ASAP1: variants seen among roughly 807,000 people sequenced by gnomAD.
The protein encoded by ASAP1 is arf-GAP with SH3 domain, ANK repeat and PH domain-containing protein 1.
Under a neutral mutation model 145.2 loss-of-function variants are expected in ASAP1, and 43 were observed. The observed-to-expected ratio is 0.30, with a 90% confidence interval of 0.23 to 0.38. The LOEUF is 0.38. Among genes scored for constraint, ASAP1 ranks in the 10% least tolerant of loss-of-function variants. The pLI is 1.00. For missense variants in ASAP1, 1,018 were observed against 1,355.3 expected (o/e 0.75, Z 3.91); for synonymous variants, 546 against 515.5 (o/e 1.06, Z -0.80).
At chr8:130,380,445 G>A (rs1827712805) in intron 2 of ASAP1, among the ~76,000 whole-genome samples, 1 of 152,166 alleles carries the variant, frequency 6.6e-6, no homozygotes, top group South Asian at 2.1e-4. Context: ...AGCAGCCTGA[G>A]GGTTTGCAGG....
At chr8:130,350,413 G>A (rs549877801) in intron 3 of ASAP1, among the ~76,000 whole-genome samples, 1 of 152,234 alleles carries the variant, frequency 6.6e-6, no homozygotes, top group East Asian at 1.9e-4. Context: ...AGATCTGGTG[G>A]GTCCCATCAT....
At chr8:130,355,841 T>C (rs982690248) in intron 3 of ASAP1, among the ~76,000 whole-genome samples, 1 of 152,162 alleles carries the variant, frequency 6.6e-6, no homozygotes, top group Non-Finnish European at 1.5e-5. Flanking sequence ...ACCTCAAGAA[T>C]TAAAATATGC....
At chr8:130,127,535 T>C (rs1265735395) in intron 16 of ASAP1, among the ~76,000 whole-genome samples, 1 of 152,132 alleles carries the variant, frequency 6.6e-6, no homozygotes, top group African/African-American at 2.4e-5. Context: ...TACTGACCCA[T>C]TTTTTAGGAT....
intron 13 of ASAP1, chr8:130,152,485 GATA>G (rs2097648575): frequency 3.3e-6 from 1 of 305,610 alleles, no homozygotes; most frequent in East Asian, 5.2e-5. Context: ...TTTCCCAAAA[GATA>G]ATATTATGAA....
At chr8:130,090,794 C>T (rs142570789) in intron 25 of ASAP1, among the ~76,000 whole-genome samples, 1 of 152,298 alleles carries the variant, frequency 6.6e-6, no homozygotes, top group East Asian at 1.9e-4. Flanking sequence ...CACACACATG[C>T]TTGCACACAC....
chr8:130,144,104 T>G (rs564755356), intron 13 of ASAP1, among the ~76,000 whole-genome samples: 24 of 152,206 alleles, frequency 1.6e-4, no homozygotes, highest in Non-Finnish European at 2.8e-4. Context: ...TTTCATTCAA[T>G]AAATAGTTTT....
chr8:130,118,772 T>G, intron 18 of ASAP1, 97 bp from the exon 19 acceptor site: 3 of 860,628 alleles, frequency 3.5e-6, no homozygotes, highest in Admixed American at 3.5e-5. Flanking sequence ...TTATTTTAAT[T>G]AAGATACGCT....
At chr8:130,131,603 G>GAAAAA (rs1159191172) in intron 15 of ASAP1, among the ~76,000 whole-genome samples, 159 of 62,880 alleles carry the variant, frequency 2.5e-3, no homozygotes, top group Non-Finnish European at 3.0e-3. Flanking sequence ...CATGGCTACT[G>GAAAAA]AAAAAAAAAA....
At chr8:130,342,826 G>A (rs1825470256) in intron 3 of ASAP1, among the ~76,000 whole-genome samples, 1 of 151,982 alleles carries the variant, frequency 6.6e-6, no homozygotes, top group African/African-American at 2.4e-5. Flanking sequence ...CCAAGAACCT[G>A]GTTGCCCCCC....
chr8:130,293,437 CAAACCACTTCCTG>C (rs1193318017), intron 3 of ASAP1, among the ~76,000 whole-genome samples: 1 of 152,238 alleles, frequency 6.6e-6, no homozygotes, highest in African/African-American at 2.4e-5. Flanking sequence ...CATGCCCCAG[CAAACCACTTCCTG>C]AAACCAAACT....
At chr8:130,345,197 G>A (rs1470565399) in intron 3 of ASAP1, among the ~76,000 whole-genome samples, 2 of 152,200 alleles carry the variant, frequency 1.3e-5, no homozygotes, top group African/African-American at 4.8e-5. Flanking sequence ...ATGCTGGAGA[G>A]TAAACTCAGG....
At chr8:130,287,506 G>C (rs958673223) in intron 3 of ASAP1, among the ~76,000 whole-genome samples, 1 of 152,046 alleles carries the variant, frequency 6.6e-6, no homozygotes, top group Non-Finnish European at 1.5e-5. Flanking sequence ...TGATTTTTGG[G>C]GGGAGGCCTA....
rs200323716 is a variant in ASAP1, at chr8:130,112,218, T to G, written c.2277A>C (p.Pro759=). ...CATAGGAGAGCCGCTGTTTGTCCCT[T>G]GGAGTGCTGAATCCTGGCAGTGCCA... is the stretch of plus-strand genomic sequence containing the variant. ...DKLALPGFST[P]RDKQRLSYGA... is the part of the protein sequence containing the mutation. Residue 759 remains proline, a synonymous_variant, in exon 24 of 30, where the codon CCA becomes CCC. Coordinates refer to ENST00000518721, the MANE Select transcript of ASAP1 (RefSeq NM_018482.4). 1.9e-6 allele frequency: 3 copies of G among 1,614,150 alleles called. No individual in the cohort carries two copies. In the East Asian group the frequency reaches 6.7e-5, roughly 36 times the overall value.
intron 27 of ASAP1, among the ~76,000 whole-genome samples, chr8:130,072,825 G>GCGTGTGCGCGTGCGCGCGCA (rs1554816396): frequency 1.8e-5 from 1 of 54,098 alleles, no homozygotes; most frequent in Non-Finnish European, 3.6e-5. Flanking sequence ...GTGTGTGTGT[G>GCGTGTGCGCGTGCGCGCGCA]CGCGCGGGGG....
intron 3 of ASAP1, among the ~76,000 whole-genome samples, chr8:130,348,882 C>T (rs1565233019): frequency 6.6e-6 from 1 of 152,268 alleles, no homozygotes; most frequent in East Asian, 1.9e-4. Flanking sequence ...ATAATAAATA[C>T]CTGCATTTAT....
intron 24 of ASAP1, among the ~76,000 whole-genome samples, chr8:130,107,557 T>G (rs184043036): frequency 1.2e-3 from 180 of 148,136 alleles, no homozygotes; most frequent in African/African-American, 4.4e-3. Flanking sequence ...TATGTATGTA[T>G]GTATTTTTGA....
chr8:130,239,748 C>T (rs1282423040), intron 3 of ASAP1, among the ~76,000 whole-genome samples: 6 of 152,094 alleles, frequency 3.9e-5, no homozygotes, highest in Non-Finnish European at 8.8e-5. Context: ...TTTTAAAATG[C>T]TAAAAATAGT....
At chr8:130,163,921 G>C (rs1404466010) in intron 11 of ASAP1, among the ~76,000 whole-genome samples, 2 of 152,110 alleles carry the variant, frequency 1.3e-5, no homozygotes, top group East Asian at 3.8e-4. Flanking sequence ...GTATTATTAA[G>C]AGGTAGAGTC....
At chr8:130,304,964 C>A (rs961210622) in intron 3 of ASAP1, among the ~76,000 whole-genome samples, 2 of 152,202 alleles carry the variant, frequency 1.3e-5, no homozygotes, top group African/African-American at 4.8e-5. Context: ...CTGGCTCCTG[C>A]CACCTTTCCA....
Sources: gnomAD v4.1 joint callset for allele counts (sites outside exome capture counted in the v4.1 genomes callset) on GRCh38, gnomAD v4.1.1 for gene constraint, MANE v1.5 for transcripts, NCBI Gene and HGNC (gene_info 2026-07-23, HGNC 2026-07-21) for gene names.